CENPC: variants seen among roughly 807,000 people sequenced by gnomAD.
CENPC encodes centromere protein C.
CENPC carries 63 observed loss-of-function variants against 112.1 expected under a neutral mutation model. The ratio of observed to expected loss-of-function variants is 0.56; its 90% CI spans 0.46 to 0.69. CENPC has a LOEUF of 0.69. CENPC is among the 30% of genes least tolerant of loss of function. The probability of loss-of-function intolerance (pLI) is 0.00; values close to 1 mark genes in which losing one functional copy is unlikely to be tolerated. For missense variants in CENPC, 1,000 were observed against 1,103.8 expected, an observed-to-expected ratio of 0.91 and a Z score of 1.33; for synonymous variants, 333 against 367.6, an observed-to-expected ratio of 0.91 and a Z score of 1.08.
rs1318284940 is a variant in CENPC at position 67,487,798 on chromosome 4, C to A, written c.2670+2169G>T. Among the ~76,000 whole-genome samples the A allele has an allele frequency of 1.3e-5, 2 of 151,414 alleles. 1 individual carries two copies. The highest frequency in any genetic ancestry group is 4.9e-5 in the African/African-American group (2 of 40,996). ...AGCTCTCATAATTAATATGTAAATT[C>A]TTCTGTAGTTTGATTTTAATAAACC... On this transcript the variant is annotated intron_variant, in intron 17 of 18. Coordinates refer to ENST00000273853, the MANE Select transcript of CENPC (RefSeq NM_001812.4).
At chr4:67,530,065 G>A (rs1446807738) in intron 5 of CENPC, among the ~76,000 whole-genome samples, 3 of 151,964 alleles carry the variant, frequency 2.0e-5, no homozygotes, top group Admixed American at 6.5e-5. Flanking sequence ...GTTACATACC[G>A]AAACACATTC....
intron 15 of CENPC, 71 bp from the exon 16 acceptor site, chr4:67,492,346 C>T (rs1560423935): frequency 1.1e-6 from 1 of 884,212 alleles, no homozygotes; most frequent in Non-Finnish European, 1.8e-6. Flanking sequence ...AAGTTCAGTA[C>T]AAAATATAGC....
chr4:67,488,975 GT>G (rs1725163584), intron 17 of CENPC, among the ~76,000 whole-genome samples: 1 of 151,590 alleles, frequency 6.6e-6, no homozygotes, highest in South Asian at 2.1e-4. Context: ...TTTACTTTAA[GT>G]TTGTTGGCAA....
At chr4:67,545,103 ACGTAGG>A in intron 1 of CENPC, among the ~76,000 whole-genome samples, 1 of 152,294 alleles carries the variant, frequency 6.6e-6, no homozygotes, top group Non-Finnish European at 1.5e-5. Context: ...CAAGAGTAAG[ACGTAGG>A]CACAGACGAA....
chr4:67,538,634 T>C (rs543641976), intron 4 of CENPC, among the ~76,000 whole-genome samples: 4 of 152,310 alleles, frequency 2.6e-5, no homozygotes, highest in South Asian at 2.1e-4. Context: ...GACGGTTACA[T>C]AGAGAAAACT....
chr4:67,496,882 AC>A (rs1725446546), intron 12 of CENPC, among the ~76,000 whole-genome samples: 1 of 43,738 alleles, frequency 2.3e-5, no homozygotes, highest in African/African-American at 9.0e-5. Flanking sequence ...TGTACCCCCC[AC>A]CCCACCCCCA....
At chr4:67,520,814 C>T (rs540864727) in intron 5 of CENPC, among the ~76,000 whole-genome samples, 1 of 152,228 alleles carries the variant, frequency 6.6e-6, no homozygotes, top group African/African-American at 2.4e-5. Context: ...GAGTTCAAGA[C>T]CAGCCTGGCC....
chr4:67,541,242 AATTAGT>A (rs1464418000), intron 2 of CENPC, among the ~76,000 whole-genome samples, 192 bp from the exon 3 acceptor site: 2 of 152,154 alleles, frequency 1.3e-5, no homozygotes, highest in African/African-American at 2.4e-5. Context: ...TCCTAATAAG[AATTAGT>A]ATATCATAAT....
intron 16 of CENPC, among the ~76,000 whole-genome samples, chr4:67,491,266 C>T (rs1347158119): frequency 1.3e-5 from 2 of 150,024 alleles, no homozygotes; most frequent in Admixed American, 6.7e-5. Context: ...CTCCACCTCC[C>T]AGACTCAAGC....
Position 67,545,427 on chromosome 4 carries a change from A to C in CENPC, c.-72T>G, listed in dbSNP as rs1032470382. The C allele has an allele frequency of 5.6e-5, 80 of 1,418,414 alleles. No homozygotes were observed. The highest frequency in any genetic ancestry group is 7.4e-5 in the Non-Finnish European group (79 of 1,074,430). 87.9% of individuals were successfully genotyped at this position (1,418,414 alleles called of 1,614,324 possible). On this transcript the variant is annotated 5_prime_UTR_variant, in exon 1 of 19. Coordinates refer to ENST00000273853, the MANE Select transcript of CENPC (RefSeq NM_001812.4). ...CACGGACCACAGCTCCAGGAAGCCG[A>C]GCAAGAAACGAATCGCCGGAATACC...
At chr4:67,529,431 T>A (rs1726479008) in intron 5 of CENPC, among the ~76,000 whole-genome samples, 1 of 152,066 alleles carries the variant, frequency 6.6e-6, no homozygotes, top group Non-Finnish European at 1.5e-5. Context: ...GCTCAAGCGA[T>A]TCTCCTGACT....
rs1017025649 is a variant in CENPC at position 67,509,726 on chromosome 4, A to C, written c.1613-621T>G. Among the ~76,000 whole-genome samples the C allele has an allele frequency of 1.8e-4, 28 of 152,210 alleles. 1 individual carries two copies. Among genetic ancestry groups the C allele is most frequent in the African/African-American group, 6.7e-4 (28 of 41,530 alleles). On this transcript the variant is annotated intron_variant, in intron 9 of 18. Transcript: ENST00000273853. ...AGCTCTCCCTCCTGTCATTAGTAGAAGTCCTCATTATTTCATATCTGGATT... is the reference window on the plus strand; with the variant it reads ...AGCTCTCCCTCCTGTCATTAGTAGACGTCCTCATTATTTCATATCTGGATT...
At chr4:67,489,030 A>T (rs1353546971) in intron 17 of CENPC, among the ~76,000 whole-genome samples, 2 of 151,468 alleles carry the variant, frequency 1.3e-5, no homozygotes, top group African/African-American at 4.8e-5. Flanking sequence ...ACAATTTCAG[A>T]CTCCTGAAAT....
intron 17 of CENPC, among the ~76,000 whole-genome samples, chr4:67,488,691 G>A (rs1725156792): frequency 6.6e-6 from 1 of 151,856 alleles, no homozygotes; most frequent in African/African-American, 2.4e-5. Context: ...GATAATTCAT[G>A]TTTATCCTCA....
intron 17 of CENPC, among the ~76,000 whole-genome samples, chr4:67,475,760 G>A (rs993198518): frequency 7.9e-5 from 12 of 152,122 alleles, no homozygotes; most frequent in African/African-American, 2.9e-4. Context: ...CATCGCGCCT[G>A]GCTAATTTTT....
intron 2 of CENPC, among the ~76,000 whole-genome samples, chr4:67,542,540 C>T (rs1726917092): frequency 1.3e-5 from 2 of 152,154 alleles, no homozygotes; most frequent in South Asian, 4.1e-4. Context: ...TGGAGCTTTG[C>T]AGAAATACAC....
chr4:67,488,660 A>G (rs1725156214), intron 17 of CENPC, among the ~76,000 whole-genome samples: 1 of 152,012 alleles, frequency 6.6e-6, no homozygotes, highest in Non-Finnish European at 1.5e-5. Flanking sequence ...TTTAATAGGT[A>G]ACTGCTATTA....
chr4:67,530,449 A>C (rs1578003905), intron 5 of CENPC, among the ~76,000 whole-genome samples: 1 of 151,890 alleles, frequency 6.6e-6, no homozygotes, highest in Non-Finnish European at 1.5e-5. Context: ...ATTTATGGGC[A>C]CCAATTAAGG....
chr4:67,487,681 T>G lies in CENPC; in HGVS notation c.2670+2286A>C, dbSNP rs1313436945. On this transcript the variant is annotated intron_variant, in intron 17 of 18. Coordinates refer to ENST00000273853, the MANE Select transcript of CENPC (RefSeq NM_001812.4). Reference sequence around the variant, plus strand: ...CTCCTGAAATTCTTATTATTTGTATTTAGGCATGCTTTTCTCTCTTCTCTA... The same window carrying G: ...CTCCTGAAATTCTTATTATTTGTATGTAGGCATGCTTTTCTCTCTTCTCTA... Among the ~76,000 whole-genome samples, 5 of 151,744 alleles carry G rather than the reference T, an allele frequency of 3.3e-5. No homozygotes were observed. The East Asian group carries it at 9.6e-4, about 29-fold the overall frequency.
Sources: gnomAD v4.1 joint callset for allele counts (sites outside exome capture counted in the v4.1 genomes callset) on GRCh38, gnomAD v4.1.1 for gene constraint, MANE v1.5 for transcripts, NCBI Gene and HGNC (gene_info 2026-07-23, HGNC 2026-07-21) for gene names.